Variants in CDH2 observed in about 807,000 individuals in gnomAD.
CDH2 encodes the protein cadherin-2.
CDH2 carries 17 observed loss-of-function variants against 92.0 expected under a neutral mutation model. The ratio of observed to expected loss-of-function variants is 0.18; its 90% CI spans 0.13 to 0.28. The LOEUF is 0.28. Among genes scored for constraint, CDH2 ranks in the 10% least tolerant of loss-of-function variants. CDH2 has a pLI of 1.00. For synonymous variants in CDH2, 419 were observed against 415.9 expected (o/e 1.01, Z -0.09); for missense variants, 862 against 1,133.1 (o/e 0.76, Z 3.44).
chr18:28,158,590 T>C (rs2016257391), intron 1 of CDH2, among the ~76,000 whole-genome samples: 1 of 152,210 alleles, frequency 6.6e-6, no homozygotes, highest in Non-Finnish European at 1.5e-5. Context: ...CCAGTCAGTG[T>C]TACCCTGAAT....
At position 28,065,017 on chromosome 18, in the gene CDH2, A is replaced by G. The variant is rs1481252967; in HGVS notation, c.173-51108T>C. 3.9e-5 allele frequency among the ~76,000 whole-genome samples: 6 copies of G among 152,166 alleles called. No individual in the cohort carries two copies. The East Asian group carries it at 7.8e-4, about 20-fold the overall frequency. ...CTTTCCTTCCCCAAAGCTGCTTACCATCATAAGATTTCTCATGCCCAAGGA... is the reference window on the plus strand; with the variant it reads ...CTTTCCTTCCCCAAAGCTGCTTACCGTCATAAGATTTCTCATGCCCAAGGA... On this transcript the variant is annotated intron_variant, in intron 2 of 15. Transcript: ENST00000269141.
chr18:27,960,953 G>A (rs2011386152), intron 15 of CDH2, among the ~76,000 whole-genome samples: 1 of 151,846 alleles, frequency 6.6e-6, no homozygotes, highest in Non-Finnish European at 1.5e-5. Flanking sequence ...TCCTACTGTG[G>A]CCGAGAAGGG....
At chr18:27,968,998 A>C (rs889739148) in intron 14 of CDH2, among the ~76,000 whole-genome samples, 1 of 152,246 alleles carries the variant, frequency 6.6e-6, no homozygotes, top group Non-Finnish European at 1.5e-5. Context: ...ACATATTACC[A>C]AACAACTGCT....
At chr18:27,993,929 C>T (rs1285586096) in intron 7 of CDH2, among the ~76,000 whole-genome samples, 2 of 152,190 alleles carry the variant, frequency 1.3e-5, no homozygotes, top group South Asian at 2.1e-4. Flanking sequence ...CAACTTTTGC[C>T]TTTCTTCACT....
At chr18:28,117,714 T>A (rs1306016637) in intron 2 of CDH2, among the ~76,000 whole-genome samples, 6 of 152,140 alleles carry the variant, frequency 3.9e-5, no homozygotes, top group Non-Finnish European at 8.8e-5. Flanking sequence ...AGTAAAATGA[T>A]AATCACAGAT....
At chr18:28,012,507 G>C (rs766305657) in intron 3 of CDH2, among the ~76,000 whole-genome samples, 20 of 152,162 alleles carry the variant, frequency 1.3e-4, no homozygotes, top group South Asian at 2.1e-4. Context: ...AGCCATGATG[G>C]ATGCTGCAGA....
At chr18:28,157,955 G>A (rs779608651) in intron 1 of CDH2, among the ~76,000 whole-genome samples, 5 of 152,176 alleles carry the variant, frequency 3.3e-5, no homozygotes, top group South Asian at 2.1e-4. Flanking sequence ...TGATATTGAT[G>A]AAGGAATAAT....
chr18:28,048,339 C>G (rs2014122204), intron 2 of CDH2, among the ~76,000 whole-genome samples: 1 of 152,110 alleles, frequency 6.6e-6, no homozygotes, highest in African/African-American at 2.4e-5. Flanking sequence ...GGGAGGGGAG[C>G]TACAGTAAAC....
chr18:28,042,840 A>G (rs2013974425), intron 2 of CDH2, among the ~76,000 whole-genome samples: 1 of 152,232 alleles, frequency 6.6e-6, no homozygotes, highest in African/African-American at 2.4e-5. Flanking sequence ...CTAGCTGGAA[A>G]CTAGGCCTCA....
chr18:27,947,824 G>A (rs28365266), downstream of CDH2, among the ~76,000 whole-genome samples: 22 of 69,322 alleles, frequency 3.2e-4, no homozygotes, highest in Middle Eastern at 7.1e-3. Context: ...TGATATAAGT[G>A]TATGTGATAT....
chr18:28,110,567 G>A (rs930099028), intron 2 of CDH2, among the ~76,000 whole-genome samples: 1 of 152,008 alleles, frequency 6.6e-6, no homozygotes, highest in African/African-American at 2.4e-5. Context: ...CAAGCTACTG[G>A]GCCAATCTAC....
At chr18:28,112,889 C>T (rs1336751557) in intron 2 of CDH2, among the ~76,000 whole-genome samples, 1 of 152,036 alleles carries the variant, frequency 6.6e-6, no homozygotes, top group African/African-American at 2.4e-5. Flanking sequence ...GAAGAAAAGT[C>T]AACAGCAGAG....
chr18:27,957,275 G>GTGA (rs775594820), intron 15 of CDH2, among the ~76,000 whole-genome samples: 28 of 151,682 alleles, frequency 1.8e-4, no homozygotes, highest in Non-Finnish European at 4.0e-4. Flanking sequence ...TAGAGACAGG[G>GTGA]TCTCACTCTG....
chr18:28,106,717 T>C (rs982483254), intron 2 of CDH2, among the ~76,000 whole-genome samples: 1 of 152,170 alleles, frequency 6.6e-6, no homozygotes, highest in Admixed American at 6.6e-5. Flanking sequence ...TACTATATGA[T>C]GGTAAATACG....
intron 2 of CDH2, among the ~76,000 whole-genome samples, chr18:28,046,826 T>C (rs184239698): frequency 6.6e-6 from 1 of 152,316 alleles, no homozygotes; most frequent in Admixed American, 6.5e-5. Context: ...AAAAACATAA[T>C]TTTGCTTTTC....
chr18:28,089,619 T>G (rs563430426), intron 2 of CDH2, among the ~76,000 whole-genome samples: 1 of 152,344 alleles, frequency 6.6e-6, no homozygotes, highest in East Asian at 1.9e-4. Flanking sequence ...TCAATTGCAA[T>G]TTTGTTCAAG....
At chr18:28,093,734 C>A (rs1384652458) in intron 2 of CDH2, among the ~76,000 whole-genome samples, 3 of 152,168 alleles carry the variant, frequency 2.0e-5, no homozygotes, top group African/African-American at 7.2e-5. Flanking sequence ...TTCTTTTATA[C>A]ATTATACTGA....
At chr18:27,938,311 T>C (rs1022780867) in intron 6 of CDH2, among the ~76,000 whole-genome samples, 1 of 152,188 alleles carries the variant, frequency 6.6e-6, no homozygotes, top group African/African-American at 2.4e-5. Context: ...TATTTCTTTA[T>C]AGGCAATGTG....
intron 2 of CDH2, among the ~76,000 whole-genome samples, chr18:28,072,799 C>CAA (rs1196714431): frequency 6.6e-6 from 1 of 152,166 alleles, no homozygotes; most frequent in African/African-American, 2.4e-5. Context: ...CTGCTTTACG[C>CAA]AAAGAGTAGT....
Sources: allele counts gnomAD v4.1 joint callset (sites outside exome capture counted in the v4.1 genomes callset), GRCh38; gene constraint gnomAD v4.1.1; transcripts MANE v1.5; gene names NCBI Gene and HGNC (gene_info 2026-07-23, HGNC 2026-07-21).